NEDD4: variants seen among roughly 807,000 people sequenced by gnomAD.
The protein encoded by NEDD4 is E3 ubiquitin-protein ligase NEDD4.
In NEDD4, 99 loss-of-function variants were observed where a neutral mutation model predicts 144.9. The observed-to-expected ratio is 0.68, with a 90% CI of 0.58 to 0.81. NEDD4 has a LOEUF of 0.81. Among genes scored for constraint, NEDD4 ranks in the 30% least tolerant of loss-of-function variants. The pLI is 0.00. For synonymous variants in NEDD4, 318 were observed against 350.6 expected (o/e 0.91, Z 1.04); for missense variants, 985 against 1,065.9 (o/e 0.92, Z 1.06).
intron 5 of NEDD4, among the ~76,000 whole-genome samples, chr15:55,901,089 G>T (rs2035901103): frequency 6.6e-6 from 1 of 152,020 alleles, no homozygotes; most frequent in South Asian, 2.1e-4. Flanking sequence ...TACATGGTAG[G>T]TGTATGCATT....
chr15:55,834,659 G>A (rs7176225), intron 24 of NEDD4, among the ~76,000 whole-genome samples: 49,772 of 151,856 alleles, frequency 0.33, 8,321 homozygotes, highest in South Asian at 0.43. Context: ...AGGCATGGTG[G>A]TGTGAACCTG....
chr15:55,863,394 AAAC>A (rs2034476358), intron 8 of NEDD4, among the ~76,000 whole-genome samples: 1 of 152,194 alleles, frequency 6.6e-6, no homozygotes, highest in African/African-American at 2.4e-5. Context: ...TCCCATCTCA[AAAC>A]AACAATAAAA....
At chr15:55,978,598 C>T (rs1381926074) in intron 1 of NEDD4, among the ~76,000 whole-genome samples, 1 of 152,124 alleles carries the variant, frequency 6.6e-6, no homozygotes, top group Non-Finnish European at 1.5e-5. Flanking sequence ...AAAAAAGTAA[C>T]AAAAGTTAAA....
intron 4 of NEDD4, among the ~76,000 whole-genome samples, chr15:55,938,258 C>T (rs770610028): frequency 6.6e-6 from 1 of 152,134 alleles, no homozygotes; most frequent in Non-Finnish European, 1.5e-5. Flanking sequence ...ACTCAGGAAG[C>T]TGAGGCAGGA....
intron 2 of NEDD4, among the ~76,000 whole-genome samples, chr15:55,953,105 T>C (rs1392928724): frequency 6.6e-6 from 1 of 150,470 alleles, no homozygotes; most frequent in Non-Finnish European, 1.5e-5. Flanking sequence ...TTCTCCTGCC[T>C]AAGCCTCCCG....
At chr15:55,979,800 T>A (rs1296499731) in intron 1 of NEDD4, among the ~76,000 whole-genome samples, 1 of 152,240 alleles carries the variant, frequency 6.6e-6, no homozygotes, top group Non-Finnish European at 1.5e-5. Flanking sequence ...CTCATTTATG[T>A]AGCATTTATC....
intron 1 of NEDD4, among the ~76,000 whole-genome samples, chr15:55,985,076 T>G (rs114086893): frequency 6.6e-6 from 1 of 152,230 alleles, no homozygotes; most frequent in Non-Finnish European, 1.5e-5. Context: ...ATTCACCAAG[T>G]AAGTGACAGG....
intron 5 of NEDD4, among the ~76,000 whole-genome samples, chr15:55,919,130 C>T (rs2036524119): frequency 6.6e-6 from 1 of 152,212 alleles, no homozygotes; most frequent in Non-Finnish European, 1.5e-5. Context: ...TAGATTTTAA[C>T]TTTCCAGAGA....
At chr15:55,862,883 A>C (rs12901502) in intron 9 of NEDD4, 30 bp downstream of exon 9, 8 of 1,545,728 alleles carry the variant, frequency 5.2e-6, no homozygotes, top group Non-Finnish European at 7.0e-6. Flanking sequence ...GTGTTTCCAG[A>C]TTAAAATTGT....
chr15:55,962,971 G>A (rs1332463545), intron 2 of NEDD4, among the ~76,000 whole-genome samples: 1 of 151,648 alleles, frequency 6.6e-6, no homozygotes, highest in Non-Finnish European at 1.5e-5. Context: ...TATTAGTAGA[G>A]ATGGGATTTC....
At chr15:55,960,331 G>A (rs1245651358) in intron 2 of NEDD4, among the ~76,000 whole-genome samples, 3 of 152,212 alleles carry the variant, frequency 2.0e-5, no homozygotes, top group Non-Finnish European at 2.9e-5. Context: ...CATCTAATCA[G>A]CTGCCAGGGC....
intron 5 of NEDD4, among the ~76,000 whole-genome samples, chr15:55,889,710 T>TA (rs2035505444): frequency 7.0e-6 from 1 of 142,882 alleles, no homozygotes; most frequent in Admixed American, 6.8e-5. Context: ...TTTTGTTTTG[T>TA]TTTTTTTGGA....
chr15:55,975,053 C>T (rs28825119), intron 1 of NEDD4, among the ~76,000 whole-genome samples: 46,357 of 151,258 alleles, frequency 0.31, 7,237 homozygotes, highest in South Asian at 0.38. Flanking sequence ...ATACCACACC[C>T]GGGTAATTTT....
chr15:55,883,906 G>C (rs1198604610), intron 5 of NEDD4, among the ~76,000 whole-genome samples: 1 of 143,258 alleles, frequency 7.0e-6, no homozygotes, highest in Non-Finnish European at 1.5e-5. Flanking sequence ...TTGAGACAGA[G>C]TCTCACCCTG....
intron 1 of NEDD4, among the ~76,000 whole-genome samples, chr15:55,966,995 T>C (rs753897393): frequency 6.6e-6 from 1 of 152,146 alleles, no homozygotes. Flanking sequence ...CAAGCGATTC[T>C]CATGCCTCAA....
intron 5 of NEDD4, chr15:55,915,844 T>C (rs1459418983): frequency 1.2e-6 from 2 of 1,613,836 alleles, no homozygotes; most frequent in East Asian, 2.2e-5. Context: ...CAAATTGTTT[T>C]AGATAACCGA....
intron 4 of NEDD4, among the ~76,000 whole-genome samples, chr15:55,937,602 T>C (rs533402318): frequency 6.6e-6 from 1 of 152,058 alleles, no homozygotes; most frequent in Non-Finnish European, 1.5e-5. Flanking sequence ...TTATAGAAAA[T>C]AAAATAAAAA....
chr15:55,905,138 C>A, intron 5 of NEDD4: 1 of 320,670 alleles, frequency 3.1e-6, no homozygotes, highest in African/African-American at 2.3e-5. Flanking sequence ...ATTTCATTTA[C>A]TGCAAATGAA....
At chr15:55,837,875 C>A in intron 23 of NEDD4, 26 bp from the exon 24 acceptor site, 1 of 1,571,286 alleles carries the variant, frequency 6.4e-7, no homozygotes, top group South Asian at 1.1e-5. Context: ...ATTTCATTTT[C>A]ATGTGAACCA....
Sources: gnomAD v4.1 joint callset for allele counts (sites outside exome capture counted in the v4.1 genomes callset) on GRCh38, gnomAD v4.1.1 for gene constraint, MANE v1.5 for transcripts, NCBI Gene and HGNC (gene_info 2026-07-23, HGNC 2026-07-21) for gene names.